Variants in SRFBP1 observed in about 807,000 individuals in gnomAD.
The protein encoded by SRFBP1 is serum response factor binding protein 1, also known as serum response factor-binding protein 1.
SRFBP1 carries 47 observed loss-of-function variants against 45.5 expected under a neutral mutation model. The observed-to-expected ratio is 1.03, with a 90% CI of 0.82 to 1.32. The LOEUF (loss-of-function observed/expected upper bound fraction) is 1.32. Ranked by LOEUF, SRFBP1 falls within the 40% of genes most tolerant of loss-of-function variation. The pLI, the probability that SRFBP1 is intolerant of heterozygous loss-of-function variation, is 0.00. For missense variants in SRFBP1, 621 were observed against 484.6 expected, an observed-to-expected ratio of 1.28 and a Z score of -2.64; for synonymous variants, 203 against 166.3, an observed-to-expected ratio of 1.22 and a Z score of -1.70.
At chr5:122,003,993 G>C (rs949566158) in intron 4 of SRFBP1, among the ~76,000 whole-genome samples, 6 of 152,060 alleles carry the variant, frequency 3.9e-5, no homozygotes, top group African/African-American at 1.4e-4. Flanking sequence ...GGAGTGCAGT[G>C]GCAGGATCTC....
At chr5:122,063,895 TAGTG>T (rs1250830815) in intron 2 of SRFBP1, 8 of 152,042 alleles carry the variant, frequency 5.3e-5, no homozygotes, top group South Asian at 2.1e-4. Context: ...AAATAATGCC[TAGTG>T]AGTAATTGGA....
chr5:121,989,159 G>T (rs1293541495), intron 3 of SRFBP1, among the ~76,000 whole-genome samples: 1 of 152,076 alleles, frequency 6.6e-6, no homozygotes, highest in African/African-American at 2.4e-5. Flanking sequence ...CACCTCCCAG[G>T]TTCAAGCGAT....
At chr5:122,023,548 C>T (rs1046539914) in intron 7 of SRFBP1, among the ~76,000 whole-genome samples, 1 of 152,186 alleles carries the variant, frequency 6.6e-6, no homozygotes, top group Admixed American at 6.5e-5. Flanking sequence ...AACAGGTCTA[C>T]TATCTGAAAT....
chr5:121,980,217 T>A (rs1160383982), intron 3 of SRFBP1, among the ~76,000 whole-genome samples: 1 of 152,190 alleles, frequency 6.6e-6, no homozygotes, highest in Non-Finnish European at 1.5e-5. Flanking sequence ...TCCTTCCAAC[T>A]TTTTGGAAAA....
intron 2 of SRFBP1, among the ~76,000 whole-genome samples, chr5:122,055,818 GTGT>G (rs530866969): frequency 3.7e-4 from 56 of 152,224 alleles, no homozygotes; most frequent in Admixed American, 2.2e-3. Flanking sequence ...TCACTTAATG[GTGT>G]TGTGAAAGTT....
intron 4 of SRFBP1, among the ~76,000 whole-genome samples, chr5:121,995,834 A>G (rs1752714302): frequency 6.6e-6 from 1 of 151,916 alleles, no homozygotes; most frequent in Non-Finnish European, 1.5e-5. Context: ...AGGGGATATC[A>G]CCACCGATCC....
chr5:122,059,641 G>C (rs75905416), intron 2 of SRFBP1, among the ~76,000 whole-genome samples: 7,654 of 152,166 alleles, frequency 0.05, 589 homozygotes, highest in African/African-American at 0.16. Context: ...CCATGTTACT[G>C]TCATTCAACT....
intron 4 of SRFBP1, among the ~76,000 whole-genome samples, chr5:122,009,855 T>C (rs1027926172): frequency 3.3e-5 from 5 of 152,180 alleles, no homozygotes; most frequent in Non-Finnish European, 7.3e-5. Context: ...GAATTTTTGC[T>C]TTCTATATGT....
At chr5:122,060,898 G>C (rs1004931536) in intron 2 of SRFBP1, among the ~76,000 whole-genome samples, 2 of 152,068 alleles carry the variant, frequency 1.3e-5, no homozygotes, top group African/African-American at 4.8e-5. Context: ...TATGCCTGTC[G>C]GCAGAAACCA....
At position 121,968,617 on chromosome 5, in the gene SRFBP1, T is replaced by C. The variant is rs571264668; in HGVS notation, c.37-5579T>C. Among the ~76,000 whole-genome samples the C allele has an allele frequency of 1.1e-3, 173 of 152,340 alleles. 1 individual carries two copies. The highest frequency in any genetic ancestry group is 4.0e-3 in the African/African-American group (166 of 41,570). On this transcript the variant is annotated intron_variant, in intron 1 of 7. Transcript: ENST00000339397. Reference sequence around the variant, plus strand: ...CTCATGCTACATTTTGTTAAAATGATGCAATGAATAATCTTGTGTGTAGCC... The same window carrying C: ...CTCATGCTACATTTTGTTAAAATGACGCAATGAATAATCTTGTGTGTAGCC...
chr5:122,018,384 G>A (rs896832883), intron 4 of SRFBP1, among the ~76,000 whole-genome samples: 2 of 152,150 alleles, frequency 1.3e-5, no homozygotes, highest in Non-Finnish European at 2.9e-5. Flanking sequence ...GAAGCGACTG[G>A]TTCTGGATAT....
intron 4 of SRFBP1, among the ~76,000 whole-genome samples, chr5:122,001,761 C>G (rs532963248): frequency 2.0e-5 from 3 of 151,896 alleles, no homozygotes; most frequent in Admixed American, 6.6e-5. Context: ...CGGGGTTTCA[C>G]CTTGTTAGCC....
At chr5:122,018,245 G>A (rs1753226646) in intron 4 of SRFBP1, among the ~76,000 whole-genome samples, 1 of 152,228 alleles carries the variant, frequency 6.6e-6, no homozygotes, top group African/African-American at 2.4e-5. Context: ...CACCGTGGCT[G>A]TTGTGTGGAA....
chr5:121,969,335 G>A (rs761723860), intron 1 of SRFBP1, among the ~76,000 whole-genome samples: 1 of 152,074 alleles, frequency 6.6e-6, no homozygotes, highest in Non-Finnish European at 1.5e-5. Context: ...TTCATGTTGA[G>A]CTGTGATGCA....
At chr5:122,078,212 G>A, downstream of SRFBP1, 1 of 426,288 alleles carries the variant, frequency 2.3e-6, no homozygotes, top group Non-Finnish European at 4.0e-6. Context: ...CTCAGTCCTG[G>A]AAGGCAACGG....
chr5:121,999,437 C>A (rs972948183), intron 4 of SRFBP1, among the ~76,000 whole-genome samples: 2 of 151,902 alleles, frequency 1.3e-5, no homozygotes, highest in African/African-American at 4.8e-5. Context: ...AACATATATT[C>A]TTTTGGGATA....
intron 7 of SRFBP1, among the ~76,000 whole-genome samples, chr5:122,022,889 T>C (rs1326388473): frequency 1.3e-5 from 2 of 152,206 alleles, no homozygotes; most frequent in Non-Finnish European, 2.9e-5. Context: ...TAGCAAAAAT[T>C]CATTTCTCAT....
intron 3 of SRFBP1, among the ~76,000 whole-genome samples, chr5:121,983,215 A>T (rs1002694506): frequency 6.6e-6 from 1 of 151,718 alleles, no homozygotes; most frequent in Non-Finnish European, 1.5e-5. Context: ...TTTCAAACAA[A>T]AAGCTTTTCT....
At chr5:121,980,006 C>G (rs1276623818) in intron 3 of SRFBP1, among the ~76,000 whole-genome samples, 1 of 152,140 alleles carries the variant, frequency 6.6e-6, no homozygotes, top group East Asian at 1.9e-4. Context: ...ATTATCCTAT[C>G]TACCAGAGGG....
Sources: allele counts gnomAD v4.1 joint callset (sites outside exome capture counted in the v4.1 genomes callset), GRCh38; gene constraint gnomAD v4.1.1; transcripts MANE v1.5; gene names NCBI Gene and HGNC (gene_info 2026-07-23, HGNC 2026-07-21).